Variants in MED25 observed in about 807,000 individuals in gnomAD.
The protein encoded by MED25 is mediator complex subunit 25, also known as mediator of RNA polymerase II transcription subunit 25.
Under a neutral mutation model 89.4 loss-of-function variants are expected in MED25, and 62 were observed. That is an observed-to-expected ratio of 0.69 (90% CI 0.57 to 0.86). The LOEUF is 0.86. Ranked by LOEUF, MED25 falls within the 40% of genes least tolerant of loss-of-function variation. The probability of loss-of-function intolerance (pLI) is 0.00; values close to 1 mark genes in which losing one functional copy is unlikely to be tolerated. For synonymous variants in MED25, 449 were observed against 427.9 expected (o/e 1.05, Z -0.61); for missense variants, 905 against 1,005.2 (o/e 0.90, Z 1.35).
rs750548952 is a variant in MED25 at position 49,836,523 on chromosome 19, T to C, written c.2146+117T>C. The C allele has an allele frequency of 1.3e-4, 160 of 1,228,790 alleles. No individual in the cohort carries two copies. The highest frequency in any genetic ancestry group is 1.7e-4 in the Non-Finnish European group (146 of 853,814). 76.1% of individuals were successfully genotyped at this position (1,228,790 alleles called of 1,614,324 possible). A position where few individuals can be genotyped will look rare whatever the true frequency, so the allele number is the denominator to read the frequency against. On this transcript the variant is annotated intron_variant, in intron 17 of 17. Coordinates refer to ENST00000312865, the MANE Select transcript of MED25 (RefSeq NM_030973.4). The surrounding 1 kb of genome is among the most constrained non-coding windows in gnomAD (Gnocchi z 5.1). ...AAGACATAGGATCCAAGAATGAGGG[T>C]TCCCCCATGGCCTTTGCGGAGCTCT...
chr19:49,818,333 G>C lies in MED25; in HGVS notation c.-9G>C. The stretch of plus-strand genomic sequence containing the variant: ...GGCTGCAGTGGTGGTGGCGGGTACC[G>C]CACGGGGTATGGTCCCCGGGTCCGA... On this transcript the variant is annotated 5_prime_UTR_variant, in exon 1 of 18. Coordinates refer to ENST00000312865, the MANE Select transcript of MED25 (RefSeq NM_030973.4). The C allele has an allele frequency of 6.4e-7, 1 of 1,572,038 alleles. No individual in the cohort carries two copies.
chr19:49,821,585 G>A (rs969082688), intron 3 of MED25, among the ~76,000 whole-genome samples: 2 of 151,746 alleles, frequency 1.3e-5, no homozygotes, highest in Admixed American at 1.3e-4. Context: ...TGTCCAACAT[G>A]GTGAAACCCT....
Position 49,831,284 on chromosome 19 carries a change from G to A in MED25, c.1102-49G>A, listed in dbSNP as rs370341431. On this transcript the variant is annotated intron_variant, in intron 9 of 17. Coordinates refer to ENST00000312865, the MANE Select transcript of MED25 (RefSeq NM_030973.4). This position sits in a 1 kb window ranked among gnomAD's most constrained non-coding sequence, Gnocchi z 5.0. The stretch of plus-strand genomic sequence containing the variant: ...TGCCCTCACAGGATGGCCCCCGGAG[G>A]CTCCCGGCCTTCCCCATTCTCATGG... 2 of 1,589,268 alleles carry A rather than the reference G, an allele frequency of 1.3e-6. No homozygotes were observed. Among genetic ancestry groups the A allele is most frequent in the African/African-American group, 2.7e-5 (2 of 74,692 alleles).
chr19:49,829,160 T>C lies in MED25; in HGVS notation c.525+70T>C. The C allele has an allele frequency of 7.1e-7, 1 of 1,416,518 alleles. No homozygotes were observed. Among genetic ancestry groups the C allele is most frequent in the Non-Finnish European group, 9.8e-7 (1 of 1,020,120 alleles). 87.7% of individuals were successfully genotyped at this position (1,416,518 alleles called of 1,614,324 possible). A position where few individuals can be genotyped will look rare whatever the true frequency, so the allele number is the denominator to read the frequency against. ...GTCTTGGGTCTGAGGCAGGAGGCAC[T>C]GAGGGCCTGGACTCCTGGGTCTGAG... On this transcript the variant is annotated intron_variant, in intron 5 of 17. Coordinates refer to ENST00000312865, the MANE Select transcript of MED25 (RefSeq NM_030973.4). The surrounding 1 kb of genome is among the most constrained non-coding windows in gnomAD (Gnocchi z 4.6).
In MED25 at chr19:49,834,892, C is replaced by G; in HGVS notation, c.1483-94C>G. Reference sequence around the variant, plus strand: ...ATAGCAGAAACCTCACCTCACCTTGCCTGTGGGGCCTCTAGAGCCTTCTGG... The same window carrying G: ...ATAGCAGAAACCTCACCTCACCTTGGCTGTGGGGCCTCTAGAGCCTTCTGG... On this transcript the variant is annotated intron_variant, in intron 13 of 17. Transcript: ENST00000312865. This position sits in a 1 kb window ranked among gnomAD's most constrained non-coding sequence, Gnocchi z 4.1. 1 of 1,304,530 alleles carries G rather than the reference C, an allele frequency of 7.7e-7. No homozygotes were observed. Among genetic ancestry groups the G allele is most frequent in the Non-Finnish European group, 1.1e-6 (1 of 905,444 alleles). The allele number at this position is 1,304,530 out of a possible 1,614,324, so 80.8% of individuals were successfully genotyped here.
In MED25 at chr19:49,832,106, G is replaced by A. The variant is rs1260985989; in HGVS notation, c.1323G>A (p.Thr441=). The change falls in exon 12 of 18, where the codon ACG becomes ACA. Residue 441 remains threonine, a synonymous_variant. Coordinates refer to ENST00000312865, the MANE Select transcript of MED25 (RefSeq NM_030973.4). ...CTCCTGGCATCGCCCCCAGGAAGAC[G>A]GAGCAGTGGCCCCAGAAGCTGATCA... The part of the protein sequence containing the change: ...VYVNHGENLK[T]EQWPQKLIMQ... The A allele has an allele frequency of 7.4e-6, 12 of 1,613,438 alleles. No individual in the cohort carries two copies. In the African/African-American group the frequency reaches 1.1e-4, roughly 14 times the overall value.
chr19:49,828,436 T>C lies in MED25; in HGVS notation c.306-13T>C. ...GATGGCAACCCTGGGGGCTGACCGC[T>C]CTGCCCCTGCAGGTTCATGGGCGGG... On this transcript the variant is annotated splice_polypyrimidine_tract_variant and intron_variant, in intron 3 of 17. Transcript: ENST00000312865. The C allele has an allele frequency of 6.3e-7, 1 of 1,599,758 alleles. No homozygotes were observed. Among genetic ancestry groups the C allele is most frequent in the Non-Finnish European group, 8.6e-7 (1 of 1,167,134 alleles).
downstream of MED25, among the ~76,000 whole-genome samples, chr19:49,837,842 G>A (rs565143210): frequency 2.0e-5 from 3 of 152,336 alleles, no homozygotes; most frequent in Admixed American, 6.5e-5. Context: ...TGGAGAGAGG[G>A]CAGTCCCTGG....
intron 2 of MED25, 71 bp from the exon 3 acceptor site, chr19:49,819,101 C>A (rs1032406620): frequency 6.3e-7 from 1 of 1,582,304 alleles, no homozygotes; most frequent in Non-Finnish European, 8.6e-7. Context: ...AAGCTGGGAG[C>A]CCTGATTCCT....
chr19:49,827,259 T>C (rs2074021802), intron 3 of MED25, among the ~76,000 whole-genome samples: 1 of 152,106 alleles, frequency 6.6e-6, no homozygotes, highest in Non-Finnish European at 1.5e-5. Context: ...CCACAACCCA[T>C]GTGGGACGGA....
chr19:49,826,673 T>C (rs962636471), intron 3 of MED25, among the ~76,000 whole-genome samples: 1 of 152,096 alleles, frequency 6.6e-6, no homozygotes, highest in Non-Finnish European at 1.5e-5. Context: ...TATCGGGTGA[T>C]CTATGATGTG....
Position 49,829,749 on chromosome 19 carries a change from G to T in MED25, c.526-37G>T, listed in dbSNP as rs928176610. ...GGGCCGGCCCCAACACCCTTATGGA[G>T]GGGGCCCGTCATGACTGCTCGGCCC... On this transcript the variant is annotated intron_variant, in intron 5 of 17. Transcript: ENST00000312865. The surrounding 1 kb of genome is among the most constrained non-coding windows in gnomAD (Gnocchi z 4.6). 5 of 1,558,488 alleles carry T rather than the reference G, an allele frequency of 3.2e-6. No individual in the cohort carries two copies. Among genetic ancestry groups the T allele is most frequent in the Non-Finnish European group, 4.3e-6 (5 of 1,150,826 alleles).
chr19:49,825,641 G>T (rs1030090867), intron 3 of MED25, among the ~76,000 whole-genome samples: 1 of 151,678 alleles, frequency 6.6e-6, no homozygotes, highest in Admixed American at 6.6e-5. Context: ...AGACCAGCCC[G>T]ACCAACATGG....
intron 3 of MED25, among the ~76,000 whole-genome samples, chr19:49,821,816 CAA>C (rs35798804): frequency 6.4e-4 from 54 of 84,100 alleles, no homozygotes; most frequent in East Asian, 1.1e-3. Flanking sequence ...AATTCTGTCT[CAA>C]AAAAAAAAAA....
rs1310360774 is a variant in MED25, at chr19:49,836,149, A to G, written c.1966-77A>G. On this transcript the variant is annotated intron_variant, in intron 16 of 17. Transcript: ENST00000312865. This position sits in a 1 kb window ranked among gnomAD's most constrained non-coding sequence, Gnocchi z 5.1. ...CTTCCCCTCACCACTAGCTGATTCC[A>G]TCTCTGAGCAGTGTCTGTGTTGAGA... 11 of 1,552,792 alleles carry G rather than the reference A, an allele frequency of 7.1e-6. No homozygotes were observed. The highest frequency in any genetic ancestry group is 9.7e-6 in the Non-Finnish European group (11 of 1,132,754).
In MED25 at chr19:49,832,151, G is replaced by A; in HGVS notation, c.1368G>A (p.Gln456=). The part of the protein sequence containing the change: ...QKLIMQLIPQ[Q]LLTTLGPLFR... ...TGATCATGCAGCTCATCCCCCAGCA[G>A]CTGCTGGTGAGTGGCGGTGGAGGGC... Residue 456 remains glutamine (Q), a synonymous_variant, in exon 12 of 18, where the codon CAG becomes CAA. Transcript: ENST00000312865. 2 of 1,612,718 alleles carry A rather than the reference G, an allele frequency of 1.2e-6. No individual in the cohort carries two copies. The highest frequency in any genetic ancestry group is 1.3e-5 in the African/African-American group (1 of 75,012).
At chr19:49,820,360 A>AG in intron 3 of MED25, among the ~76,000 whole-genome samples, 1 of 152,258 alleles carries the variant, frequency 6.6e-6, no homozygotes, top group Non-Finnish European at 1.5e-5. Context: ...TTGTTGTAAC[A>AG]GGTTTATAAC....
At position 49,832,929 on chromosome 19, in the gene MED25, C is replaced by G. The variant is rs367914628; in HGVS notation, c.1482+514C>G. The G allele has an allele frequency of 1.1e-4, 24 of 213,908 alleles. No individual in the cohort carries two copies. The South Asian group carries it at 1.7e-3, about 15-fold the overall frequency. 13.3% of individuals were successfully genotyped at this position (213,908 alleles called of 1,614,324 possible). On this transcript the variant is annotated intron_variant, in intron 13 of 17. Coordinates refer to ENST00000312865, the MANE Select transcript of MED25 (RefSeq NM_030973.4). The stretch of plus-strand genomic sequence containing the variant: ...TTCCTCCATCCCGCAGCTGTCTTCC[C>G]TCTGTGTGTGTCTCCACATGGCATT...
In MED25 at chr19:49,830,482, T is replaced by A; in HGVS notation, c.820-29T>A. 6.2e-7 allele frequency: 1 copy of A among 1,609,956 alleles called. No homozygotes were observed. Among genetic ancestry groups the A allele is most frequent in the South Asian group, 1.1e-5 (1 of 90,948 alleles). Reference sequence around the variant, plus strand: ...ACTGGGGGGCCATGGTCCTCACCAGTCCCTTCCCTTCTTCCCTTCTACCCA... The same window carrying A: ...ACTGGGGGGCCATGGTCCTCACCAGACCCTTCCCTTCTTCCCTTCTACCCA... On this transcript the variant is annotated intron_variant, in intron 7 of 17. Transcript: ENST00000312865. The surrounding 1 kb of genome is among the most constrained non-coding windows in gnomAD (Gnocchi z 4.6).
Sources: allele counts gnomAD v4.1 joint callset (sites outside exome capture counted in the v4.1 genomes callset), GRCh38; gene constraint gnomAD v4.1.1; non-coding constraint Gnocchi (gnomAD v3.1); transcripts MANE v1.5; gene names NCBI Gene and HGNC (gene_info 2026-07-23, HGNC 2026-07-21).